The following LITAF variants were observed in gnomAD, a reference collection of about 807,000 sequenced individuals.
The protein encoded by LITAF is lipopolysaccharide-induced tumor necrosis factor-alpha factor.
LITAF carries 9 observed loss-of-function variants against 14.5 expected under a neutral mutation model. That is an observed-to-expected ratio of 0.62 (90% CI 0.37 to 1.08). The LOEUF (loss-of-function observed/expected upper bound fraction) is 1.08, where lower values mean the gene tolerates loss of function less well. LITAF is among the 50% of genes least tolerant of loss of function. LITAF has a pLI of 0.01. For missense variants in LITAF, 206 were observed against 213.4 expected (o/e 0.97, Z 0.22); for synonymous variants, 98 against 88.2 (o/e 1.11, Z -0.62).
At chr16:11,550,938 T>C (rs1230706564) in intron 3 of LITAF, among the ~76,000 whole-genome samples, 1 of 152,174 alleles carries the variant, frequency 6.6e-6, no homozygotes, top group Non-Finnish European at 1.5e-5. Flanking sequence ...GGCGCCTGGC[T>C]CCAGGGTCGT....
chr16:11,569,047 G>A (rs185927022), intron 1 of LITAF, among the ~76,000 whole-genome samples: 16 of 152,244 alleles, frequency 1.1e-4, no homozygotes, highest in Non-Finnish European at 2.2e-4. Context: ...TGGTGAAATG[G>A]CCAACAGGCA....
chr16:11,634,224 C>T lies in LITAF; in HGVS notation c.-20-587G>A, dbSNP rs1408038198. Among the ~76,000 whole-genome samples, 1 of 152,208 alleles carries T rather than the reference C, an allele frequency of 6.6e-6. No individual in the cohort carries two copies. Among genetic ancestry groups the T allele is most frequent in the Non-Finnish European group, 1.5e-5 (1 of 68,036 alleles). On this transcript the variant is annotated intron_variant, in intron 2 of 3. Transcript: ENST00000574848. The surrounding 1 kb of genome is among the most constrained non-coding windows in gnomAD (Gnocchi z 4.1). ...AAGGAGACCTGATCTAACCAACCCC[C>T]ATCTTGCCTTTCACCTCCAAACTGC... is the stretch of plus-strand genomic sequence containing the variant.
chr16:11,625,669 C>T (rs990837115), intron 3 of LITAF, among the ~76,000 whole-genome samples: 1 of 152,154 alleles, frequency 6.6e-6, no homozygotes, highest in Non-Finnish European at 1.5e-5. Flanking sequence ...AGGTTGTGTG[C>T]TGAAGGAATG....
At chr16:11,623,674 A>G (rs2065065223) in intron 3 of LITAF, among the ~76,000 whole-genome samples, 3 of 143,512 alleles carry the variant, frequency 2.1e-5, no homozygotes, top group African/African-American at 7.8e-5. Context: ...AAAAAAAAGG[A>G]TCTCTCTCTT....
intron 1 of LITAF, among the ~76,000 whole-genome samples, chr16:11,582,589 T>C (rs1258830746): frequency 6.6e-6 from 1 of 152,072 alleles, no homozygotes; most frequent in Non-Finnish European, 1.5e-5. Flanking sequence ...AAAGAAACAC[T>C]AAGCTAGGCC....
intron 1 of LITAF, among the ~76,000 whole-genome samples, chr16:11,557,783 CAT>C (rs753939893): frequency 2.0e-5 from 3 of 152,328 alleles, no homozygotes; most frequent in Non-Finnish European, 2.9e-5. Flanking sequence ...AGGAAATACA[CAT>C]AGACTCCAGT....
chr16:11,627,243 C>G (rs1156966304), intron 3 of LITAF, among the ~76,000 whole-genome samples: 2 of 152,188 alleles, frequency 1.3e-5, no homozygotes, highest in Non-Finnish European at 2.9e-5. Flanking sequence ...TGCTGGAGCT[C>G]CTTGAATAAG....
At chr16:11,551,818 C>A (rs1209306757) in intron 3 of LITAF, 9 of 596,302 alleles carry the variant, frequency 1.5e-5, no homozygotes, top group Non-Finnish European at 2.7e-5. Flanking sequence ...GACAACAGAG[C>A]AAGACTCAGC....
At chr16:11,612,327 C>T (rs146966507) in intron 3 of LITAF, among the ~76,000 whole-genome samples, 11 of 152,294 alleles carry the variant, frequency 7.2e-5, no homozygotes, top group African/African-American at 2.2e-4. Flanking sequence ...TTGGCTGCAC[C>T]GTCCTCATCA....
chr16:11,552,603 C>T (rs962408596), intron 3 of LITAF, among the ~76,000 whole-genome samples: 3 of 152,130 alleles, frequency 2.0e-5, no homozygotes. Flanking sequence ...AAGCTTGTCC[C>T]TACATGCAGG....
upstream of LITAF, among the ~76,000 whole-genome samples, chr16:11,599,027 C>T: frequency 6.6e-6 from 1 of 151,882 alleles, no homozygotes; most frequent in East Asian, 1.9e-4. Flanking sequence ...ACCATGTTGG[C>T]CAGGCTGGTT....
chr16:11,623,317 G>A (rs1052790309), intron 3 of LITAF, among the ~76,000 whole-genome samples: 6 of 152,000 alleles, frequency 3.9e-5, no homozygotes, highest in Admixed American at 6.6e-5. Flanking sequence ...TGGAAAGTCT[G>A]TGGTAAGGAC....
In LITAF at chr16:11,565,384, T is replaced by G. The variant is rs7187619; in HGVS notation, c.-5-8649A>C. Among the ~76,000 whole-genome samples, 9 of 148,748 alleles carry G rather than the reference T, an allele frequency of 6.1e-5. No homozygotes were observed. The South Asian group carries it at 1.9e-3, about 32-fold the overall frequency. ...AGGCATGGGCCACCGCGCCTGGCCT[T>G]GAATTACTCACTTTTAAATGGTTAT... On this transcript the variant is annotated intron_variant, in intron 1 of 3. Transcript: ENST00000622633.
chr16:11,599,768 C>A (rs983791559), upstream of LITAF, among the ~76,000 whole-genome samples: 1 of 152,098 alleles, frequency 6.6e-6, no homozygotes. Context: ...GCCACAGGGG[C>A]CTCCTCCCAG....
chr16:11,638,551 A>C (rs2141917539), upstream of LITAF, among the ~76,000 whole-genome samples: 1 of 151,890 alleles, frequency 6.6e-6, no homozygotes, highest in South Asian at 2.1e-4. Context: ...AAATACAAAA[A>C]TTAGCCGGGC....
intron 3 of LITAF, among the ~76,000 whole-genome samples, chr16:11,604,176 T>C (rs114379829): frequency 0.026 from 4,019 of 151,956 alleles, 193 homozygotes; most frequent in African/African-American, 0.092. Flanking sequence ...TAGGTGGTGA[T>C]GTGAAATTTC....
intron 3 of LITAF, among the ~76,000 whole-genome samples, chr16:11,613,313 T>C (rs761569788): frequency 6.6e-6 from 1 of 152,064 alleles, no homozygotes; most frequent in East Asian, 1.9e-4. Context: ...TGGATCCCCA[T>C]GGGATGGAGA....
chr16:11,616,276 C>A (rs1362678709), intron 3 of LITAF, among the ~76,000 whole-genome samples: 1 of 152,042 alleles, frequency 6.6e-6, no homozygotes, highest in African/African-American at 2.4e-5. Context: ...GGATTTGAGA[C>A]CAGCCTGGGC....
chr16:11,586,328 G>A lies in LITAF; in HGVS notation c.-6+558C>T, dbSNP rs528624227. 8 of 152,430 alleles carry A rather than the reference G, an allele frequency of 5.2e-5. No homozygotes were observed. In the East Asian group the frequency reaches 1.4e-3, roughly 26 times the overall value. 9.4% of individuals were successfully genotyped at this position (152,430 alleles called of 1,614,324 possible). A position where few individuals can be genotyped will look rare whatever the true frequency, so the allele number is the denominator to read the frequency against. On this transcript the variant is annotated intron_variant, in intron 1 of 3. Transcript: ENST00000622633. The surrounding 1 kb of genome is among the most constrained non-coding windows in gnomAD (Gnocchi z 6.5). ...CCAGGGTCTCCCAGGGGCCTCGGGTGTCCTTCCCGGATCTTGCGCGAAGTC... is the reference window on the plus strand; with the variant it reads ...CCAGGGTCTCCCAGGGGCCTCGGGTATCCTTCCCGGATCTTGCGCGAAGTC...
Sources: allele counts gnomAD v4.1 joint callset (sites outside exome capture counted in the v4.1 genomes callset), GRCh38; gene constraint gnomAD v4.1.1; non-coding constraint Gnocchi (gnomAD v3.1); transcripts MANE v1.5; gene names NCBI Gene and HGNC (gene_info 2026-07-23, HGNC 2026-07-21).